The following LRP1B variants were observed in gnomAD, a reference collection of about 807,000 sequenced individuals.
The protein encoded by LRP1B is LDL receptor related protein 1B.
A neutral mutation model predicts 556.6 loss-of-function variants in LRP1B; 217 were observed. That is an observed-to-expected ratio of 0.39 (90% confidence interval 0.35 to 0.44). LRP1B has a LOEUF of 0.44. Among genes scored for constraint, LRP1B ranks in the 20% least tolerant of loss-of-function variants. The pLI is 1.00. For missense variants in LRP1B, 5,053 were observed against 5,620.8 expected, an observed-to-expected ratio of 0.90 and a Z score of 3.23; for synonymous variants, 2,047 against 1,865.8, an observed-to-expected ratio of 1.10 and a Z score of -2.50.
chr2:140,451,338 T>C (rs935734127), intron 62 of LRP1B, among the ~76,000 whole-genome samples: 1 of 152,162 alleles, frequency 6.6e-6, no homozygotes, highest in African/African-American at 2.4e-5. Flanking sequence ...TATCTGGCCC[T>C]TTACAGGAAA....
chr2:141,652,745 C>G (rs534395542), intron 2 of LRP1B, among the ~76,000 whole-genome samples: 1 of 152,240 alleles, frequency 6.6e-6, no homozygotes, highest in South Asian at 2.1e-4. Flanking sequence ...ATAACATAGG[C>G]AGGCAGAATC....
At chr2:141,943,563 T>C (rs1386788641) in intron 1 of LRP1B, among the ~76,000 whole-genome samples, 6 of 152,256 alleles carry the variant, frequency 3.9e-5, no homozygotes, top group African/African-American at 1.4e-4. Flanking sequence ...ATACTCTGAG[T>C]TTGTTAGACA....
intron 18 of LRP1B, among the ~76,000 whole-genome samples, chr2:140,969,814 G>T (rs1014906832): frequency 1.3e-5 from 2 of 152,068 alleles, no homozygotes; most frequent in Admixed American, 6.6e-5. Context: ...GAAATCCTGG[G>T]TTGAAAATTC....
intron 43 of LRP1B, among the ~76,000 whole-genome samples, chr2:140,566,678 T>A (rs1384356955): frequency 6.6e-6 from 1 of 152,156 alleles, no homozygotes; most frequent in African/African-American, 2.4e-5. Context: ...CCCACTACGC[T>A]AAAGCTGAAG....
intron 1 of LRP1B, among the ~76,000 whole-genome samples, chr2:142,073,267 A>G (rs1574655319): frequency 6.6e-6 from 1 of 152,152 alleles, no homozygotes; most frequent in East Asian, 1.9e-4. Flanking sequence ...TGTAAAATGT[A>G]CATGTTCTGT....
At chr2:142,102,442 G>A (rs560260419) in intron 1 of LRP1B, among the ~76,000 whole-genome samples, 1 of 151,668 alleles carries the variant, frequency 6.6e-6, no homozygotes, top group East Asian at 1.9e-4. Context: ...GTCAGGGCTA[G>A]GTTCCTATCT....
At chr2:141,053,203 A>G (rs957226517) in intron 10 of LRP1B, among the ~76,000 whole-genome samples, 1 of 151,986 alleles carries the variant, frequency 6.6e-6, no homozygotes, top group African/African-American at 2.4e-5. Flanking sequence ...AGGGTAGTGG[A>G]TTTCATTTGA....
chr2:141,427,876 A>C (rs1347630729), intron 3 of LRP1B, among the ~76,000 whole-genome samples: 5 of 152,188 alleles, frequency 3.3e-5, no homozygotes. Flanking sequence ...CTGATAGTGC[A>C]CAATAGTGAG....
At chr2:140,803,340 G>A (rs1480253256) in intron 32 of LRP1B, among the ~76,000 whole-genome samples, 2 of 144,048 alleles carry the variant, frequency 1.4e-5, no homozygotes, top group Admixed American at 7.2e-5. Context: ...AGTGGCGCGC[G>A]ATCTTGGCTC....
intron 1 of LRP1B, among the ~76,000 whole-genome samples, chr2:141,911,617 C>T (rs1240067137): frequency 2.0e-5 from 3 of 152,178 alleles, no homozygotes; most frequent in Admixed American, 6.5e-5. Flanking sequence ...TAAGTCCAGG[C>T]ACTATAAAGT....
chr2:140,632,283 T>A (rs917002212), intron 41 of LRP1B, among the ~76,000 whole-genome samples: 48 of 152,240 alleles, frequency 3.2e-4, no homozygotes, highest in Admixed American at 1.3e-4. Context: ...GCTGTTTTTT[T>A]AAAATAATAA....
At chr2:141,414,457 GGCAA>G (rs199958713) in intron 3 of LRP1B, among the ~76,000 whole-genome samples, 1,648 of 152,010 alleles carry the variant, frequency 0.011, 42 homozygotes, top group African/African-American at 0.038. Context: ...CAAAAGAAGA[GGCAA>G]GTGTGTTAGC....
At chr2:140,441,070 A>C (rs1482337215) in intron 66 of LRP1B, among the ~76,000 whole-genome samples, 2 of 152,094 alleles carry the variant, frequency 1.3e-5, no homozygotes, top group African/African-American at 4.8e-5. Context: ...TAAAGCTTTT[A>C]ACATATTTCT....
At chr2:141,208,780 C>T (rs1423125205) in intron 6 of LRP1B, among the ~76,000 whole-genome samples, 2 of 146,944 alleles carry the variant, frequency 1.4e-5, no homozygotes, top group Non-Finnish European at 3.0e-5. Flanking sequence ...GAGGCAGGAG[C>T]ATGGCGTGAA....
At chr2:141,126,454 A>C (rs1055434779) in intron 7 of LRP1B, among the ~76,000 whole-genome samples, 1 of 152,076 alleles carries the variant, frequency 6.6e-6, no homozygotes, top group Non-Finnish European at 1.5e-5. Context: ...TGTCTGGAAA[A>C]TTCCCTGCTC....
intron 21 of LRP1B, among the ~76,000 whole-genome samples, chr2:140,918,338 A>T (rs1192906286): frequency 1.3e-5 from 2 of 152,008 alleles, no homozygotes; most frequent in African/African-American, 4.8e-5. Flanking sequence ...GGAAGAGTAT[A>T]TATGTATTGG....
intron 2 of LRP1B, among the ~76,000 whole-genome samples, chr2:141,674,297 C>T (rs748632828): frequency 3.3e-5 from 5 of 152,010 alleles, no homozygotes; most frequent in Non-Finnish European, 5.9e-5. Flanking sequence ...TTAAATATAT[C>T]TGTTAATAAT....
At chr2:141,358,864 T>TATAATATAGTCTACAAAAA (rs1688719958) in intron 3 of LRP1B, among the ~76,000 whole-genome samples, 1 of 152,160 alleles carries the variant, frequency 6.6e-6, no homozygotes, top group Admixed American at 6.5e-5. Flanking sequence ...TCTACAAATA[T>TATAATATAGTCTACAAAAA]ATAATATAGT....
At chr2:140,770,007 G>C (rs1689252771) in intron 34 of LRP1B, among the ~76,000 whole-genome samples, 1 of 151,752 alleles carries the variant, frequency 6.6e-6, no homozygotes, top group African/African-American at 2.4e-5. Flanking sequence ...TATGCATTTT[G>C]CCAATATATT....
Sources: allele counts gnomAD v4.1 joint callset (sites outside exome capture counted in the v4.1 genomes callset), GRCh38; gene constraint gnomAD v4.1.1; transcripts MANE v1.5; gene names NCBI Gene and HGNC (gene_info 2026-07-23, HGNC 2026-07-21).